Variants in AMMECR1 observed in about 807,000 individuals in gnomAD.
AMMECR1 encodes AMMECR nuclear protein 1.
A neutral mutation model predicts 22.5 loss-of-function variants in AMMECR1; 3 were observed. That is an observed-to-expected ratio of 0.13 (90% CI 0.06 to 0.35). The LOEUF is 0.35. Ranked by LOEUF, AMMECR1 falls within the 10% of genes least tolerant of loss-of-function variation. AMMECR1 has a pLI of 1.00. For missense variants in AMMECR1, 235 were observed against 278.7 expected (o/e 0.84, Z 1.12); for synonymous variants, 130 against 116.7 (o/e 1.11, Z -0.74).
intron 1 of AMMECR1, among the ~76,000 whole-genome samples, chrX:110,312,010 C>G (rs750533971): frequency 1.8e-5 from 2 of 112,146 alleles, no homozygotes; most frequent in Non-Finnish European, 3.8e-5. Flanking sequence ...CATTATTACA[C>G]AAGTTTGAAA....
intron 1 of AMMECR1, among the ~76,000 whole-genome samples, chrX:110,290,255 A>C (rs1171330768): frequency 2.7e-5 from 3 of 111,932 alleles, no homozygotes; most frequent in African/African-American, 9.7e-5. Flanking sequence ...TGAACATTAG[A>C]TCTAAAGAGC....
At chrX:110,408,441 C>G (rs1477160090) in intron 2 of AMMECR1, among the ~76,000 whole-genome samples, 3 of 112,699 alleles carry the variant, frequency 2.7e-5, no homozygotes, top group Non-Finnish European at 5.6e-5. Flanking sequence ...GAAAAATAGT[C>G]TAGCATCCCG....
intron 2 of AMMECR1, among the ~76,000 whole-genome samples, chrX:110,424,232 G>A (rs1299512604): frequency 9.0e-6 from 1 of 111,562 alleles, no homozygotes; most frequent in Non-Finnish European, 1.9e-5. Flanking sequence ...AGCACATTGT[G>A]GGCCCGTCAC....
chrX:110,370,003 C>A (rs2068326262), intron 2 of AMMECR1, among the ~76,000 whole-genome samples: 1 of 110,113 alleles, frequency 9.1e-6, no homozygotes, highest in Admixed American at 9.7e-5. Context: ...GAATCTGAGA[C>A]CCAAAATGAG....
intron 5 of AMMECR1, 142 bp downstream of exon 5, chrX:110,200,812 C>A: frequency 2.2e-6 from 1 of 448,387 alleles, no homozygotes; most frequent in Admixed American, 3.4e-5. Context: ...ATTGTATCCA[C>A]CCTCAGTATG....
At chrX:110,275,906 G>A (rs1602851990) in intron 1 of AMMECR1, among the ~76,000 whole-genome samples, 1 of 111,532 alleles carries the variant, frequency 9.0e-6, no homozygotes, top group Admixed American at 9.5e-5. Flanking sequence ...GATACATTGA[G>A]CTTCTTAGAT....
intron 2 of AMMECR1, among the ~76,000 whole-genome samples, chrX:110,375,616 A>G (rs1011702734): frequency 8.9e-5 from 10 of 112,055 alleles, no homozygotes; most frequent in African/African-American, 2.9e-4. Context: ...AGTTATTATA[A>G]ACTTCAAATG....
intron 2 of AMMECR1, among the ~76,000 whole-genome samples, chrX:110,231,207 A>T (rs1176922798): frequency 8.9e-6 from 1 of 111,891 alleles, no homozygotes; most frequent in Non-Finnish European, 1.9e-5. Context: ...CGAGAAGAGC[A>T]ACCCCAAGAC....
intron 2 of AMMECR1, among the ~76,000 whole-genome samples, chrX:110,374,603 GA>G (rs1293766914): frequency 5.4e-4 from 60 of 112,100 alleles, no homozygotes; most frequent in African/African-American, 1.7e-3. Context: ...TTAAAACTTA[GA>G]AGTAGGGCTA....
At chrX:110,261,142 C>T (rs759745551) in intron 2 of AMMECR1, among the ~76,000 whole-genome samples, 6 of 110,290 alleles carry the variant, frequency 5.4e-5, no homozygotes, top group Non-Finnish European at 9.5e-5. Flanking sequence ...AACATGATTG[C>T]GCTTAAGGCC....
chrX:110,335,220 C>G (rs1264734821), intron 2 of AMMECR1, among the ~76,000 whole-genome samples: 1 of 111,409 alleles, frequency 9.0e-6, no homozygotes, highest in East Asian at 2.8e-4. Context: ...CATACCCAAT[C>G]ATGGTAGCTA....
intron 2 of AMMECR1, among the ~76,000 whole-genome samples, chrX:110,334,303 G>T: frequency 8.9e-6 from 1 of 111,920 alleles, no homozygotes; most frequent in Non-Finnish European, 1.9e-5. Context: ...ATTTGGTGTT[G>T]TTGGTTACTT....
intron 2 of AMMECR1, among the ~76,000 whole-genome samples, chrX:110,336,299 T>G (rs886119056): frequency 2.7e-5 from 3 of 111,544 alleles, no homozygotes; most frequent in Admixed American, 1.9e-4. Context: ...TCCGTGCTAT[T>G]CCGTATGCTG....
At chrX:110,270,616 C>A (rs188591095) in intron 1 of AMMECR1, among the ~76,000 whole-genome samples, 1 of 112,289 alleles carries the variant, frequency 8.9e-6, no homozygotes, top group African/African-American at 3.2e-5. Context: ...CCTCCTGTTT[C>A]TCCCAGTAGG....
At chrX:110,419,031 G>A (rs2068698870) in intron 2 of AMMECR1, 1 of 111,223 alleles carries the variant, frequency 9.0e-6, no homozygotes, top group African/African-American at 3.3e-5. Context: ...CCTAGTTGTG[G>A]TGGGAAATCT....
At chrX:110,334,343 C>G (rs1414314948) in intron 2 of AMMECR1, among the ~76,000 whole-genome samples, 1 of 111,933 alleles carries the variant, frequency 8.9e-6, no homozygotes, top group Non-Finnish European at 1.9e-5. Context: ...TAAATTTATA[C>G]TTTTTAAAAA....
At chrX:110,291,378 T>G (rs1469973735) in intron 1 of AMMECR1, among the ~76,000 whole-genome samples, 1 of 110,096 alleles carries the variant, frequency 9.1e-6, no homozygotes, top group Non-Finnish European at 1.9e-5. Flanking sequence ...TTTTAAAAAA[T>G]TAGCCGGCGT....
rs2067362855 is a variant in AMMECR1 at position 110,194,866 on chromosome X, G to A, written c.*3654C>T. The stretch of plus-strand genomic sequence containing the variant: ...ACCCTTAAATCGAGAGGCACACAAC[G>A]GGTTTCCACTTTTAAAAAATAAAAG... On this transcript the variant is annotated 3_prime_UTR_variant, in exon 6 of 6. Transcript: ENST00000262844. The A allele has an allele frequency of 1.8e-5, 2 of 112,023 alleles. No individual in the cohort carries two copies. Among genetic ancestry groups the A allele is most frequent in the African/African-American group, 6.5e-5 (2 of 30,841 alleles). The allele number at this position is 112,023 out of a possible 1,213,427, so 9.2% of individuals were successfully genotyped here. A position where few individuals can be genotyped will look rare whatever the true frequency, so the allele number is the denominator to read the frequency against.
intron 2 of AMMECR1, among the ~76,000 whole-genome samples, chrX:110,228,514 C>G (rs1042342129): frequency 9.0e-6 from 1 of 111,372 alleles, no homozygotes; most frequent in Non-Finnish European, 1.9e-5. Context: ...TTCACATAAT[C>G]CAATAACACT....
Sources: allele counts gnomAD v4.1 joint callset (sites outside exome capture counted in the v4.1 genomes callset), GRCh38; gene constraint gnomAD v4.1.1; transcripts MANE v1.5; gene names NCBI Gene and HGNC (gene_info 2026-07-23, HGNC 2026-07-21).